Variants in FARS2 observed in about 807,000 individuals in gnomAD.
FARS2 encodes the protein phenylalanyl-tRNA synthetase 2, mitochondrial, also known as phenylalanine--tRNA ligase, mitochondrial.
FARS2 carries 40 observed loss-of-function variants against 46.4 expected under a neutral mutation model. The observed-to-expected ratio is 0.86, with a 90% CI of 0.67 to 1.12. FARS2 has a LOEUF of 1.12. FARS2 is among the 50% of genes most tolerant of loss of function. The pLI is 0.00. For synonymous variants in FARS2, 234 were observed against 214.9 expected (o/e 1.09, Z -0.78); for missense variants, 513 against 567.9 (o/e 0.90, Z 0.98).
chr6:5,701,822 G>A (rs963712063), intron 6 of FARS2, among the ~76,000 whole-genome samples: 3 of 152,148 alleles, frequency 2.0e-5, no homozygotes, highest in African/African-American at 7.2e-5. Flanking sequence ...TTATTAGTAG[G>A]TTATTTGTGC....
intron 4 of FARS2, 62 bp downstream of exon 4, chr6:5,431,234 GC>G (rs2127768219): frequency 6.4e-7 from 1 of 1,553,504 alleles, no homozygotes; most frequent in East Asian, 2.3e-5. Context: ...TTCTCAGGCA[GC>G]CCCGTTGCAC....
At chr6:5,492,203 C>A (rs1767164115) in intron 4 of FARS2, among the ~76,000 whole-genome samples, 1 of 152,176 alleles carries the variant, frequency 6.6e-6, no homozygotes, top group Non-Finnish European at 1.5e-5. Flanking sequence ...AACTACCAAA[C>A]AACACTTTGA....
At chr6:5,444,857 C>A (rs898381112) in intron 4 of FARS2, among the ~76,000 whole-genome samples, 1 of 152,162 alleles carries the variant, frequency 6.6e-6, no homozygotes, top group Non-Finnish European at 1.5e-5. Context: ...GTACAATTCC[C>A]AGTTTCCAAG....
rs538124876 is a variant in FARS2, at chr6:5,725,802, G to A, written c.1218-45489G>A. Among the ~76,000 whole-genome samples the A allele has an allele frequency of 3.5e-4, 53 of 152,222 alleles. 1 individual carries two copies. Among genetic ancestry groups the A allele is most frequent in the South Asian group, 2.7e-3 (13 of 4,816 alleles). On this transcript the variant is annotated intron_variant, in intron 6 of 6. Coordinates refer to ENST00000274680, the MANE Select transcript of FARS2 (RefSeq NM_006567.5). The stretch of plus-strand genomic sequence containing the variant: ...AATACAAAAATTAGCTGGGCGTGGC[G>A]CGCACACCTGTAATCCCAGCTACTC...
chr6:5,381,125 T>C lies in FARS2; in HGVS notation c.612+11943T>C, dbSNP rs1236365295. Among the ~76,000 whole-genome samples, 5 of 151,838 alleles carry C rather than the reference T, an allele frequency of 3.3e-5. No individual in the cohort carries two copies. In the East Asian group the frequency reaches 5.8e-4, roughly 18 times the overall value. ...ACGCCATTCTCCTGCCTCAGCCTCC[T>C]GAGTAGCTGGACCTATAGGTTCCCG... On this transcript the variant is annotated intron_variant, in intron 2 of 6. Coordinates refer to ENST00000274680, the MANE Select transcript of FARS2 (RefSeq NM_006567.5).
chr6:5,560,275 A>G (rs1361394384), intron 5 of FARS2, among the ~76,000 whole-genome samples: 2 of 152,162 alleles, frequency 1.3e-5, no homozygotes, highest in Admixed American at 1.3e-4. Context: ...AGTTGTTGCT[A>G]CAAATGAATG....
intron 6 of FARS2, among the ~76,000 whole-genome samples, chr6:5,747,064 G>A (rs1348187879): frequency 6.6e-6 from 1 of 152,224 alleles, no homozygotes; most frequent in African/African-American, 2.4e-5. Context: ...AGCAGCGGTT[G>A]CAAAGGGTAT....
chr6:5,260,795 A>C (rs558642091), upstream of FARS2: 13 of 1,533,392 alleles, frequency 8.5e-6, no homozygotes, highest in African/African-American at 2.8e-5. Flanking sequence ...GACCCAACCC[A>C]CGAAACTCCA....
intron 6 of FARS2, among the ~76,000 whole-genome samples, chr6:5,759,763 G>A (rs1348705561): frequency 6.6e-6 from 1 of 152,176 alleles, no homozygotes; most frequent in Non-Finnish European, 1.5e-5. Context: ...ACACTCGTCA[G>A]CTTAGTATAA....
chr6:5,372,264 G>A (rs1272420387), intron 2 of FARS2, among the ~76,000 whole-genome samples: 1 of 152,084 alleles, frequency 6.6e-6, no homozygotes, highest in Non-Finnish European at 1.5e-5. Context: ...TAAAGATACA[G>A]ACAGTCTGAA....
chr6:5,546,426 A>G (rs1771005264), intron 5 of FARS2, among the ~76,000 whole-genome samples: 1 of 151,346 alleles, frequency 6.6e-6, no homozygotes, highest in Non-Finnish European at 1.5e-5. Flanking sequence ...AATTTTGTGT[A>G]TTTTTAGTAG....
intron 4 of FARS2, among the ~76,000 whole-genome samples, chr6:5,527,568 C>CTTATGGATATG (rs2150444843): frequency 6.6e-6 from 1 of 152,298 alleles, no homozygotes; most frequent in South Asian, 2.1e-4. Context: ...GGATATGACT[C>CTTATGGATATG]ACATTATAAA....
intron 4 of FARS2, among the ~76,000 whole-genome samples, chr6:5,516,724 A>G (rs1040894810): frequency 2.6e-5 from 4 of 152,238 alleles, no homozygotes; most frequent in South Asian, 2.1e-4. Flanking sequence ...AGGAGGCTCT[A>G]TATTGAAAGA....
intron 6 of FARS2, among the ~76,000 whole-genome samples, chr6:5,689,556 C>T (rs919273613): frequency 1.8e-4 from 27 of 152,282 alleles, no homozygotes; most frequent in Admixed American, 4.6e-4. Context: ...GCACTGTGGT[C>T]TGAGAAACAG....
intron 1 of FARS2, among the ~76,000 whole-genome samples, chr6:5,335,960 G>C (rs1182088036): frequency 6.6e-6 from 1 of 152,148 alleles, no homozygotes; most frequent in Non-Finnish European, 1.5e-5. Context: ...GGAAGAGAGA[G>C]GAATAGATTT....
rs148222459 is a variant in FARS2, at chr6:5,500,868, C to T, written c.905-44312C>T. On this transcript the variant is annotated intron_variant, in intron 4 of 6. Coordinates refer to ENST00000274680, the MANE Select transcript of FARS2 (RefSeq NM_006567.5). ...TAGGACAGCCACTTGAAGGTGGTGC[C>T]ACTGGAATGACTTGGAACAAAACAT... 4.1e-3 allele frequency among the ~76,000 whole-genome samples: 626 copies of T among 151,860 alleles called. 5 individuals carry two copies. Among genetic ancestry groups the T allele is most frequent in the African/African-American group, 0.015 (604 of 41,388 alleles).
chr6:5,288,162 T>C (rs549972831), intron 1 of FARS2, among the ~76,000 whole-genome samples: 41 of 152,336 alleles, frequency 2.7e-4, no homozygotes, highest in Admixed American at 2.4e-3. Context: ...TGGGTCTTGC[T>C]TTCCCACTGT....
chr6:5,519,356 T>C (rs1326931160), intron 4 of FARS2, among the ~76,000 whole-genome samples: 1 of 152,138 alleles, frequency 6.6e-6, no homozygotes, highest in Non-Finnish European at 1.5e-5. Context: ...TTTAGTTGCA[T>C]TGAGGAGTAA....
chr6:5,433,964 T>G (rs1220909614), intron 4 of FARS2, among the ~76,000 whole-genome samples: 1 of 152,248 alleles, frequency 6.6e-6, no homozygotes, highest in East Asian at 1.9e-4. Flanking sequence ...GCTGCTGTTC[T>G]GCAATTAGAT....
Sources: allele counts gnomAD v4.1 joint callset (sites outside exome capture counted in the v4.1 genomes callset), GRCh38; gene constraint gnomAD v4.1.1; transcripts MANE v1.5; gene names NCBI Gene and HGNC (gene_info 2026-07-23, HGNC 2026-07-21).